The following MGAT4C variants were observed in gnomAD, a reference collection of about 807,000 sequenced individuals.
MGAT4C encodes the protein alpha-1,3-mannosyl-glycoprotein 4-beta-N-acetylglucosaminyltransferase C.
A neutral mutation model predicts 40.1 loss-of-function variants in MGAT4C; 19 were observed. That is an observed-to-expected ratio of 0.47 (90% CI 0.33 to 0.70). The LOEUF is 0.70. MGAT4C is among the 30% of genes least tolerant of loss of function. The pLI is 0.02. For missense variants in MGAT4C, 491 were observed against 563.2 expected, an observed-to-expected ratio of 0.87 and a Z score of 1.30; for synonymous variants, 181 against 187.1, an observed-to-expected ratio of 0.97 and a Z score of 0.27.
chr12:86,321,724 C>T (rs574269575), intron 4 of MGAT4C, among the ~76,000 whole-genome samples: 258 of 152,236 alleles, frequency 1.7e-3, no homozygotes, highest in Non-Finnish European at 3.2e-3. Context: ...CAGGAAACAA[C>T]AGGTGCTGGA....
intron 1 of MGAT4C, among the ~76,000 whole-genome samples, chr12:86,161,691 A>G (rs1885606451): frequency 6.6e-6 from 1 of 152,164 alleles, no homozygotes; most frequent in Non-Finnish European, 1.5e-5. Context: ...TGCATAGCAA[A>G]ATAAACTATC....
intron 1 of MGAT4C, among the ~76,000 whole-genome samples, chr12:86,072,408 G>C (rs568790282): frequency 2.6e-5 from 4 of 151,218 alleles, no homozygotes; most frequent in African/African-American, 9.7e-5. Context: ...CATGAAAGAA[G>C]AGAAGAAAAA....
At chr12:86,170,534 T>C (rs981211561) in intron 1 of MGAT4C, among the ~76,000 whole-genome samples, 19 of 152,364 alleles carry the variant, frequency 1.2e-4, no homozygotes, top group Non-Finnish European at 2.1e-4. Flanking sequence ...CAAACATTGT[T>C]TCATGTCATG....
rs377694386 is a variant in MGAT4C at position 86,153,746 on chromosome 12, G to T, written c.-57+102493C>A. On this transcript the variant is annotated intron_variant, in intron 1 of 4. Transcript: ENST00000611864. Reference sequence around the variant, plus strand: ...CTGCTGCCTTGTGAAGAAAGTGCTTGCTTCTCCCTTTGCCTTCTGCCATGA... The same window carrying T: ...CTGCTGCCTTGTGAAGAAAGTGCTTTCTTCTCCCTTTGCCTTCTGCCATGA... Among the ~76,000 whole-genome samples the T allele has an allele frequency of 1.8e-4, 27 of 152,298 alleles. 1 individual carries two copies. Among genetic ancestry groups the T allele is most frequent in the African/African-American group, 6.5e-4 (27 of 41,574 alleles).
chr12:86,420,067 T>C (rs966324842), intron 3 of MGAT4C, among the ~76,000 whole-genome samples: 2 of 151,452 alleles, frequency 1.3e-5, no homozygotes, highest in South Asian at 2.1e-4. Context: ...GAGTTATTCA[T>C]GTAGACTTGG....
chr12:85,983,401 T>G (rs1592602600), intron 4 of MGAT4C, 122 bp downstream of exon 4: 1 of 943,630 alleles, frequency 1.1e-6, no homozygotes. Context: ...ATTGAAGTTT[T>G]GCCCAAATAA....
At chr12:86,684,804 T>C (rs1950043050) in intron 2 of MGAT4C, among the ~76,000 whole-genome samples, 1 of 152,144 alleles carries the variant, frequency 6.6e-6, no homozygotes, top group Admixed American at 6.5e-5. Context: ...TTTTTTTTTT[T>C]CATATGTTTG....
At chr12:86,575,340 T>A (rs541734526) in intron 2 of MGAT4C, among the ~76,000 whole-genome samples, 1 of 151,966 alleles carries the variant, frequency 6.6e-6, no homozygotes, top group African/African-American at 2.4e-5. Context: ...CCATTAAACA[T>A]CCTTACTTCC....
chr12:86,180,840 C>CTTTTGGG (rs1248145688), intron 1 of MGAT4C, among the ~76,000 whole-genome samples: 1 of 152,060 alleles, frequency 6.6e-6, no homozygotes, highest in African/African-American at 2.4e-5. Flanking sequence ...GGACTGTGGA[C>CTTTTGGG]TTTTGGGTTA....
intron 1 of MGAT4C, among the ~76,000 whole-genome samples, chr12:86,779,741 A>G (rs1478787812): frequency 1.3e-5 from 2 of 151,958 alleles, no homozygotes; most frequent in Admixed American, 1.3e-4. Context: ...GTGAAACCTC[A>G]TCTCTACTAA....
Position 85,962,315 on chromosome 12 carries a change from T to C in MGAT4C, c.*16974A>G, listed in dbSNP as rs1883153109. 6.6e-6 allele frequency: 1 copy of C among 151,220 alleles called. No homozygotes were observed. The highest frequency in any genetic ancestry group is 1.5e-5 in the Non-Finnish European group (1 of 67,610). 9.4% of individuals were successfully genotyped at this position (151,220 alleles called of 1,614,324 possible). On this transcript the variant is annotated 3_prime_UTR_variant, in exon 5 of 5. Transcript: ENST00000611864. The stretch of plus-strand genomic sequence containing the variant: ...TGCAGAACAAAGTCAATGTCTGAAT[T>C]TAGAGACTAATTTGACCATTTTGAT...
chr12:86,532,649 G>T (rs1347609813), intron 2 of MGAT4C, among the ~76,000 whole-genome samples: 2 of 152,036 alleles, frequency 1.3e-5, no homozygotes, highest in Non-Finnish European at 2.9e-5. Context: ...TAAGGCAATA[G>T]TATGGATTTA....
intron 2 of MGAT4C, among the ~76,000 whole-genome samples, chr12:86,571,596 C>T (rs990584127): frequency 2.6e-5 from 4 of 151,720 alleles, no homozygotes; most frequent in Admixed American, 6.6e-5. Flanking sequence ...ATACAGTATG[C>T]GTGAGTGTCT....
At chr12:86,120,574 C>T (rs980183382) in intron 1 of MGAT4C, among the ~76,000 whole-genome samples, 1 of 152,160 alleles carries the variant, frequency 6.6e-6, no homozygotes, top group Non-Finnish European at 1.5e-5. Flanking sequence ...CAACATTTGC[C>T]GTTCTGCAAT....
At chr12:86,588,288 G>C (rs1961156651) in intron 2 of MGAT4C, among the ~76,000 whole-genome samples, 2 of 151,838 alleles carry the variant, frequency 1.3e-5, no homozygotes, top group South Asian at 4.1e-4. Context: ...AACCAAAAAA[G>C]ATCAAAAGAG....
At position 86,099,903 on chromosome 12, in the gene MGAT4C, A is replaced by G. The variant is rs548602725; in HGVS notation, c.-56-50180T>C. On this transcript the variant is annotated intron_variant, in intron 1 of 4. Coordinates refer to ENST00000611864, the MANE Select transcript of MGAT4C (RefSeq NM_001351288.2). ...TTTAGATGTGTTCTTAATCTGATTT[A>G]GGGGAAATGTAAGTTTTTCTATTAA... 5.9e-5 allele frequency among the ~76,000 whole-genome samples: 9 copies of G among 151,516 alleles called. No homozygotes were observed. In the South Asian group the frequency reaches 1.9e-3, roughly 31 times the overall value.
intron 4 of MGAT4C, among the ~76,000 whole-genome samples, chr12:86,318,008 TTTAAC>T (rs1954288452): frequency 6.6e-6 from 1 of 151,978 alleles, no homozygotes; most frequent in Non-Finnish European, 1.5e-5. Flanking sequence ...AAGCAACAAA[TTTAAC>T]TTAACTCAAG....
chr12:86,089,480 C>T (rs763585386), intron 1 of MGAT4C, among the ~76,000 whole-genome samples: 7 of 151,696 alleles, frequency 4.6e-5, no homozygotes, highest in Non-Finnish European at 1.0e-4. Context: ...TGTCTTTCTC[C>T]TCCTCTATCC....
chr12:85,963,450 A>G lies in MGAT4C; in HGVS notation c.*15839T>C, dbSNP rs1883211484. The stretch of plus-strand genomic sequence containing the variant: ...CACATAGGAACACACACACATACAC[A>G]CAGACACACACAGAGTTTGCTTATA... On this transcript the variant is annotated 3_prime_UTR_variant, in exon 5 of 5. Coordinates refer to ENST00000611864, the MANE Select transcript of MGAT4C (RefSeq NM_001351288.2). 2.0e-5 allele frequency: 3 copies of G among 151,970 alleles called. No individual in the cohort carries two copies. Among genetic ancestry groups the G allele is most frequent in the Admixed American group, 1.3e-4 (2 of 15,244 alleles). 9.4% of individuals were successfully genotyped at this position (151,970 alleles called of 1,614,324 possible).
Sources: allele counts gnomAD v4.1 joint callset (sites outside exome capture counted in the v4.1 genomes callset), GRCh38; gene constraint gnomAD v4.1.1; transcripts MANE v1.5; gene names NCBI Gene and HGNC (gene_info 2026-07-23, HGNC 2026-07-21).